Variants in GHR observed in about 807,000 individuals in gnomAD.
GHR encodes the protein growth hormone receptor, also known as GH receptor.
GHR carries 35 observed loss-of-function variants against 67.1 expected under a neutral mutation model. The ratio of observed to expected loss-of-function variants is 0.52; its 90% confidence interval spans 0.40 to 0.69. The LOEUF is 0.69. Among genes scored for constraint, GHR ranks in the 30% least tolerant of loss-of-function variants. GHR has a pLI of 0.00. For missense variants in GHR, 792 were observed against 764.6 expected (o/e 1.04, Z -0.42); for synonymous variants, 272 against 269.1 (o/e 1.01, Z -0.10).
chr5:42,579,173 TAGATA>T (rs1411892643), intron 2 of GHR, among the ~76,000 whole-genome samples: 1 of 145,346 alleles, frequency 6.9e-6, no homozygotes, highest in East Asian at 1.9e-4. Flanking sequence ...GATAGATAGA[TAGATA>T]GATAGATAGA....
chr5:42,587,548 T>G (rs1751542712), intron 2 of GHR, among the ~76,000 whole-genome samples: 1 of 152,150 alleles, frequency 6.6e-6, no homozygotes, highest in African/African-American at 2.4e-5. Flanking sequence ...AAACTCCACC[T>G]CCTTCTTCCC....
intron 2 of GHR, among the ~76,000 whole-genome samples, chr5:42,577,953 C>T (rs145825743): frequency 5.0e-4 from 76 of 152,214 alleles, no homozygotes; most frequent in African/African-American, 1.3e-3. Flanking sequence ...ATTTCCTATA[C>T]GATATACTTA....
chr5:42,491,928 C>A (rs977450173), intron 1 of GHR, among the ~76,000 whole-genome samples: 1 of 152,184 alleles, frequency 6.6e-6, no homozygotes, highest in African/African-American at 2.4e-5. Context: ...AGTTTTAGAT[C>A]AGCCTGGATA....
intron 3 of GHR, among the ~76,000 whole-genome samples, chr5:42,634,521 G>GCACACACACA (rs10684580): frequency 0.011 from 1,607 of 148,910 alleles, 28 homozygotes; most frequent in African/African-American, 0.038. Flanking sequence ...ATTGAATTTT[G>GCACACACACA]CACACACACA....
In GHR at chr5:42,688,935, G is replaced by A. The variant is rs747723725; in HGVS notation, c.182G>A (p.Arg61Gln). 6.3e-5 allele frequency: 101 copies of A among 1,613,210 alleles called. No individual in the cohort carries two copies. The highest frequency in any genetic ancestry group is 1.3e-4 in the South Asian group (12 of 91,062). Reference sequence around the variant, plus strand: ...TTCACCAAGTGCCGTTCACCTGAGCGAGAGACTTTTTCATGCCACTGGACA... The same window carrying A: ...TTCACCAAGTGCCGTTCACCTGAGCAAGAGACTTTTTCATGCCACTGGACA... ...PKFTKCRSPE[R>Q]ETFSCHWTDE... Residue 61 changes from arginine (R) to glutamine (Q), a missense_variant, in exon 4 of 10, where the codon CGA becomes CAA. Physicochemically the swap from Arg to Gln is conservative, Grantham distance 43. Coordinates refer to ENST00000230882, the MANE Select transcript of GHR (RefSeq NM_000163.5).
intron 3 of GHR, among the ~76,000 whole-genome samples, chr5:42,637,935 GTTGT>G (rs141831785): frequency 3.6e-4 from 55 of 152,012 alleles, no homozygotes; most frequent in East Asian, 2.5e-3. Context: ...CTATAATATG[GTTGT>G]TTGTTTGTTT....
chr5:42,426,233 G>T (rs548105490), intron 1 of GHR, among the ~76,000 whole-genome samples: 1 of 152,330 alleles, frequency 6.6e-6, no homozygotes, highest in East Asian at 1.9e-4. Context: ...GTTGCAGCGT[G>T]CTTCTTCCAA....
At chr5:42,501,249 A>C (rs578255059) in intron 1 of GHR, among the ~76,000 whole-genome samples, 1 of 152,210 alleles carries the variant, frequency 6.6e-6, no homozygotes, top group Non-Finnish European at 1.5e-5. Flanking sequence ...ATCATATTCA[A>C]GTGTTCAATA....
intron 1 of GHR, among the ~76,000 whole-genome samples, chr5:42,532,482 G>T (rs1748018876): frequency 6.6e-6 from 1 of 152,156 alleles, no homozygotes; most frequent in South Asian, 2.1e-4. Context: ...CTTCTTAGCT[G>T]TTATTCGTAA....
chr5:42,561,858 G>A (rs940283423), intron 1 of GHR, among the ~76,000 whole-genome samples: 2 of 152,182 alleles, frequency 1.3e-5, no homozygotes, highest in Admixed American at 6.5e-5. Flanking sequence ...AACCCAGTGG[G>A]CTAAGGTCCA....
chr5:42,470,470 G>A (rs189838553), intron 1 of GHR, among the ~76,000 whole-genome samples: 194 of 152,030 alleles, frequency 1.3e-3, no homozygotes, highest in African/African-American at 4.3e-3. Flanking sequence ...TAGATTTCCC[G>A]CAGAATCTTG....
intron 1 of GHR, among the ~76,000 whole-genome samples, chr5:42,476,252 G>T (rs1374539764): frequency 6.7e-6 from 1 of 148,458 alleles, no homozygotes; most frequent in Non-Finnish European, 1.5e-5. Context: ...ATGGAGCCCT[G>T]CTCTGTCGCC....
chr5:42,709,468 A>G (rs1273971748), intron 6 of GHR, among the ~76,000 whole-genome samples: 1 of 152,124 alleles, frequency 6.6e-6, no homozygotes, highest in Non-Finnish European at 1.5e-5. Flanking sequence ...TACATTTTGC[A>G]TGACCATGTG....
chr5:42,527,900 ATACTC>A (rs1326635297), intron 1 of GHR, among the ~76,000 whole-genome samples: 3 of 152,192 alleles, frequency 2.0e-5, no homozygotes, highest in Non-Finnish European at 4.4e-5. Flanking sequence ...TACTCTGTCT[ATACTC>A]TATAAATGGA....
chr5:42,652,539 G>A (rs1306165700), intron 3 of GHR, among the ~76,000 whole-genome samples: 4 of 152,122 alleles, frequency 2.6e-5, no homozygotes, highest in African/African-American at 9.7e-5. Flanking sequence ...AAAACTGTGA[G>A]GAAGTTTTGT....
intron 1 of GHR, chr5:42,514,405 G>T (rs1311477668): frequency 1.2e-6 from 1 of 839,330 alleles, no homozygotes; most frequent in East Asian, 1.2e-4. Flanking sequence ...CCTTTGAAAA[G>T]TTACTTATAT....
Position 42,676,597 on chromosome 5 carries a change from A to T in GHR, c.137-12293A>T, listed in dbSNP as rs144820497. On this transcript the variant is annotated intron_variant, in intron 3 of 9. Coordinates refer to ENST00000230882, the MANE Select transcript of GHR (RefSeq NM_000163.5). Reference sequence around the variant, plus strand: ...TGATAACACCATAGGTTAAAAAAAAAGTCTACCAGTCTTTTTCAGATGGCC... The same window carrying T: ...TGATAACACCATAGGTTAAAAAAAATGTCTACCAGTCTTTTTCAGATGGCC... Among the ~76,000 whole-genome samples, 691 of 152,260 alleles carry T rather than the reference A, an allele frequency of 4.5e-3. 3 individuals carry two copies. Among genetic ancestry groups the T allele is most frequent in the Non-Finnish European group, 6.2e-3 (419 of 68,022 alleles).
At chr5:42,547,393 C>T (rs548909722) in intron 1 of GHR, among the ~76,000 whole-genome samples, 1 of 152,258 alleles carries the variant, frequency 6.6e-6, no homozygotes, top group Admixed American at 6.5e-5. Flanking sequence ...TCACTCCACA[C>T]TCAATGATGG....
intron 1 of GHR, among the ~76,000 whole-genome samples, chr5:42,455,638 GA>G (rs1414517188): frequency 6.6e-6 from 1 of 152,306 alleles, no homozygotes; most frequent in East Asian, 1.9e-4. Flanking sequence ...AGTATACTCT[GA>G]AGCAGGAGTG....
Sources: gnomAD v4.1 joint callset for allele counts (sites outside exome capture counted in the v4.1 genomes callset) on GRCh38, gnomAD v4.1.1 for gene constraint, MANE v1.5 for transcripts, NCBI Gene and HGNC (gene_info 2026-07-23, HGNC 2026-07-21) for gene names.